GSE1: variants seen among roughly 807,000 people sequenced by gnomAD.
The protein encoded by GSE1 is Gse1 coiled-coil protein.
GSE1 carries 32 observed loss-of-function variants against 112.6 expected under a neutral mutation model. The ratio of observed to expected loss-of-function variants is 0.28; its 90% CI spans 0.21 to 0.38. The LOEUF (loss-of-function observed/expected upper bound fraction) is 0.38, where lower values mean the gene tolerates loss of function less well. GSE1 is among the 10% of genes least tolerant of loss of function. The probability of loss-of-function intolerance (pLI) is 1.00; values close to 1 mark genes in which losing one functional copy is unlikely to be tolerated. For synonymous variants in GSE1, 1,115 were observed against 735.6 expected, an observed-to-expected ratio of 1.52 and a Z score of -8.35; for missense variants, 2,348 against 1,699.2, an observed-to-expected ratio of 1.38 and a Z score of -6.71.
intron 2 of GSE1, among the ~76,000 whole-genome samples, chr16:85,458,762 G>A (rs929240408): frequency 6.6e-6 from 1 of 152,178 alleles, no homozygotes; most frequent in Non-Finnish European, 1.5e-5. Context: ...CAGCACTGCT[G>A]GGGATCCTGG....
intron 1 of GSE1, among the ~76,000 whole-genome samples, chr16:85,226,816 T>TGC (rs1567622741): frequency 9.7e-5 from 11 of 113,070 alleles, no homozygotes; most frequent in South Asian, 2.9e-4. Flanking sequence ...TGTGTGTGTG[T>TGC]GAAGGAGGAC....
intron 9 of GSE1, 60 bp downstream of exon 9, chr16:85,661,825 C>T: frequency 7.1e-7 from 1 of 1,413,152 alleles, no homozygotes; most frequent in South Asian, 1.5e-5. Context: ...GGATGGGGAG[C>T]CTGCATGCCA....
At chr16:85,431,283 G>GC (rs2049114644) in intron 2 of GSE1, among the ~76,000 whole-genome samples, 1 of 152,222 alleles carries the variant, frequency 6.6e-6, no homozygotes, top group African/African-American at 2.4e-5. Flanking sequence ...CAGCCTCCAG[G>GC]CCCTGTCCAT....
At chr16:85,445,020 T>G (rs1211729348) in intron 2 of GSE1, among the ~76,000 whole-genome samples, 2 of 152,208 alleles carry the variant, frequency 1.3e-5, no homozygotes, top group East Asian at 1.9e-4. Flanking sequence ...TGCTTCAGGT[T>G]TCCCGCCGCA....
intron 2 of GSE1, among the ~76,000 whole-genome samples, chr16:85,546,033 C>T (rs1225915100): frequency 1.3e-5 from 2 of 152,216 alleles, no homozygotes; most frequent in African/African-American, 4.8e-5. Flanking sequence ...GATCTGCCCA[C>T]CTCGGCCTCC....
intron 1 of GSE1, among the ~76,000 whole-genome samples, chr16:85,589,771 TTG>T (rs1428310727): frequency 1.3e-5 from 2 of 151,850 alleles, no homozygotes; most frequent in Non-Finnish European, 2.9e-5. Context: ...TTGTGTGACA[TTG>T]TGAATGTATG....
chr16:85,229,040 A>C (rs533063743), intron 1 of GSE1, among the ~76,000 whole-genome samples: 1 of 152,270 alleles, frequency 6.6e-6, no homozygotes, highest in East Asian at 1.9e-4. Context: ...AGGGTGCGAC[A>C]CTCGCCATCC....
chr16:85,337,306 T>C (rs2046514298), intron 1 of GSE1, among the ~76,000 whole-genome samples: 1 of 147,090 alleles, frequency 6.8e-6, no homozygotes, highest in Non-Finnish European at 1.5e-5. Context: ...TCTTTTCTTT[T>C]CTTTTTTTTT....
intron 1 of GSE1, among the ~76,000 whole-genome samples, chr16:85,218,155 G>T (rs2075334647): frequency 6.6e-6 from 1 of 152,150 alleles, no homozygotes; most frequent in African/African-American, 2.4e-5. Context: ...GCCCACCTCA[G>T]CCTCCCAAAG....
chr16:85,662,983 T>A lies in GSE1; in HGVS notation c.2263T>A (p.Tyr755Asn), dbSNP rs775825682. The A allele has an allele frequency of 2.5e-6, 4 of 1,592,282 alleles. No individual in the cohort carries two copies. In the South Asian group the frequency reaches 4.4e-5, roughly 18 times the overall value. Residue 755 changes from tyrosine to asparagine, a missense_variant and splice_region_variant, in exon 10 of 16, where the codon TAC (tyrosine) becomes AAC (asparagine). Coordinates refer to ENST00000253458, the MANE Select transcript of GSE1 (RefSeq NM_014615.5). ...RRRREAQEKG[Y>N]YYDLDDSYDE... ...GAATACAACCATTTCTCCATCAGGG[T>A]ACTACTACGACCTCGATGACTCTTA...
exon 1 of GSE1, chr16:85,556,296 C>G (rs1232778405): frequency 1.0e-6 from 1 of 983,972 alleles, no homozygotes; most frequent in Non-Finnish European, 1.2e-6. Context: ...CTTCATCCCT[C>G]TCTGGCCACT....
chr16:85,664,965 C>G (rs200816971), intron 11 of GSE1, 50 bp from the exon 12 acceptor site: 3 of 1,245,408 alleles, frequency 2.4e-6, no homozygotes, highest in East Asian at 4.6e-5. Flanking sequence ...GTCCTTCTCT[C>G]CAAAAAATGA....
intron 1 of GSE1, among the ~76,000 whole-genome samples, chr16:85,174,175 C>T (rs1033148925): frequency 2.0e-5 from 3 of 152,082 alleles, no homozygotes; most frequent in Non-Finnish European, 4.4e-5. Context: ...CCTCCGTGGG[C>T]GGGAGGTGCC....
At chr16:85,253,223 G>T (rs1304042254) in intron 1 of GSE1, among the ~76,000 whole-genome samples, 1 of 152,172 alleles carries the variant, frequency 6.6e-6, no homozygotes, top group African/African-American at 2.4e-5. Context: ...CGCCGCCGGC[G>T]ACTCACAGCA....
upstream of GSE1, chr16:85,554,781 GGGA>G: frequency 9.4e-6 from 6 of 639,976 alleles, no homozygotes; most frequent in South Asian, 6.9e-5. Context: ...GTCGTGGGGG[GGGA>G]GGGAGGGAGG....
chr16:85,553,432 G>T (rs555724271), upstream of GSE1, among the ~76,000 whole-genome samples: 32 of 151,896 alleles, frequency 2.1e-4, 1 homozygote, highest in South Asian at 5.2e-3. Context: ...AGCAGCCAGA[G>T]GTTGGCGGCG....
intron 2 of GSE1, among the ~76,000 whole-genome samples, chr16:85,380,302 G>T (rs2047517095): frequency 6.6e-6 from 1 of 152,170 alleles, no homozygotes; most frequent in Admixed American, 6.5e-5. Flanking sequence ...AGTAGTTAAG[G>T]TCTTCTTGGA....
chr16:85,189,281 C>T (rs902216649), intron 1 of GSE1, among the ~76,000 whole-genome samples: 7 of 152,140 alleles, frequency 4.6e-5, no homozygotes, highest in Non-Finnish European at 1.0e-4. Flanking sequence ...TTCTATTTGA[C>T]TTCATGTTGT....
At chr16:85,590,669 T>TATGTGA (rs1484190378) in intron 1 of GSE1, among the ~76,000 whole-genome samples, 5 of 152,222 alleles carry the variant, frequency 3.3e-5, no homozygotes. Context: ...GCATGTGTGA[T>TATGTGA]ATGTGAATGT....
Sources: allele counts gnomAD v4.1 joint callset (sites outside exome capture counted in the v4.1 genomes callset), GRCh38; gene constraint gnomAD v4.1.1; transcripts MANE v1.5; gene names NCBI Gene and HGNC (gene_info 2026-07-23, HGNC 2026-07-21).